TOX: variants seen among roughly 807,000 people sequenced by gnomAD.
TOX encodes the protein thymocyte selection associated high mobility group box, also known as thymocyte selection-associated high mobility group box protein TOX.
Under a neutral mutation model 53.7 loss-of-function variants are expected in TOX, and 11 were observed. The ratio of observed to expected loss-of-function variants is 0.20; its 90% CI spans 0.13 to 0.34. The LOEUF is 0.34. TOX is among the 10% of genes least tolerant of loss of function. The pLI, the probability that TOX is intolerant of heterozygous loss-of-function variation, is 1.00. For missense variants in TOX, 570 were observed against 664.6 expected (o/e 0.86, Z 1.56); for synonymous variants, 225 against 245.3 (o/e 0.92, Z 0.77).
chr8:58,856,095 A>G (rs1207734334), intron 3 of TOX, among the ~76,000 whole-genome samples: 1 of 152,172 alleles, frequency 6.6e-6, no homozygotes, highest in Admixed American at 6.6e-5. Context: ...GTAAAAATGA[A>G]ATATACTTTT....
At chr8:59,049,180 A>C (rs1803743830) in intron 1 of TOX, among the ~76,000 whole-genome samples, 1 of 151,790 alleles carries the variant, frequency 6.6e-6, no homozygotes, top group Non-Finnish European at 1.5e-5. Flanking sequence ...TAAATCCATA[A>C]TATAAGTCAG....
chr8:59,097,792 T>C (rs527302232), intron 1 of TOX, among the ~76,000 whole-genome samples: 3 of 152,316 alleles, frequency 2.0e-5, no homozygotes, highest in Non-Finnish European at 2.9e-5. Context: ...TTTATGAACA[T>C]ACAGTTTTAA....
At chr8:58,948,420 T>C (rs1445583734) in intron 2 of TOX, among the ~76,000 whole-genome samples, 1 of 152,164 alleles carries the variant, frequency 6.6e-6, no homozygotes, top group Non-Finnish European at 1.5e-5. Context: ...CTCCAAGCAG[T>C]ATTTTTAGGG....
At chr8:58,940,030 TGTC>T (rs1450370173) in intron 2 of TOX, among the ~76,000 whole-genome samples, 5 of 152,168 alleles carry the variant, frequency 3.3e-5, no homozygotes, top group Non-Finnish European at 7.3e-5. Context: ...CAAAAGAAAA[TGTC>T]GTAGAAAAGA....
intron 3 of TOX, among the ~76,000 whole-genome samples, chr8:58,866,539 C>G (rs1811105295): frequency 6.6e-6 from 1 of 152,188 alleles, no homozygotes; most frequent in African/African-American, 2.4e-5. Flanking sequence ...TTTTCTTAAC[C>G]AATGCCCCCA....
At position 58,910,885 on chromosome 8, in the gene TOX, G is replaced by A. The variant is rs1426082826; in HGVS notation, c.411+28417C>T. Among the ~76,000 whole-genome samples the A allele has an allele frequency of 2.0e-5, 3 of 152,146 alleles. No individual in the cohort carries two copies. The East Asian group carries it at 5.8e-4, about 29-fold the overall frequency. ...GGAGATTCAAAGAATAGTTGCAAAG[G>A]AGTATGGTCAAATGAGGCTAGAGAT... On this transcript the variant is annotated intron_variant, in intron 3 of 8. Transcript: ENST00000361421.
chr8:58,867,100 G>A (rs1203623581), intron 3 of TOX, among the ~76,000 whole-genome samples: 1 of 152,082 alleles, frequency 6.6e-6, no homozygotes, highest in South Asian at 2.1e-4. Flanking sequence ...TCATTCTTCT[G>A]CATCTACATT....
intron 2 of TOX, among the ~76,000 whole-genome samples, chr8:58,940,467 A>G (rs1428817213): frequency 1.3e-5 from 2 of 152,170 alleles, no homozygotes; most frequent in African/African-American, 4.8e-5. Context: ...AAATACATGG[A>G]AGAAATAAAA....
intron 1 of TOX, among the ~76,000 whole-genome samples, chr8:59,035,008 C>T (rs1352402330): frequency 1.3e-5 from 2 of 152,142 alleles, no homozygotes; most frequent in East Asian, 1.9e-4. Flanking sequence ...AGGAGACGCT[C>T]TGGAGGTGCT....
chr8:58,877,253 G>A (rs528255543), intron 3 of TOX, among the ~76,000 whole-genome samples: 108 of 151,972 alleles, frequency 7.1e-4, no homozygotes, highest in South Asian at 1.7e-3. Flanking sequence ...GCAGCATTAC[G>A]TATGATTTTT....
intron 7 of TOX, among the ~76,000 whole-genome samples, chr8:58,808,629 C>T (rs751800176): frequency 5.5e-4 from 84 of 152,360 alleles, no homozygotes; most frequent in Middle Eastern, 3.4e-3. Context: ...CCTAAGGATA[C>T]ATTAATAGTT....
At chr8:59,108,378 TATG>T in intron 1 of TOX, among the ~76,000 whole-genome samples, 1 of 152,196 alleles carries the variant, frequency 6.6e-6, no homozygotes, top group Admixed American at 6.5e-5. Flanking sequence ...GCTGTAAGGG[TATG>T]ATGTGCAAAG....
chr8:58,841,586 C>T (rs1176293053), intron 4 of TOX, among the ~76,000 whole-genome samples: 1 of 152,106 alleles, frequency 6.6e-6, no homozygotes, highest in Admixed American at 6.6e-5. Flanking sequence ...GGGGATCTAA[C>T]ATACAGCACA....
chr8:58,957,691 C>T (rs185276548), intron 2 of TOX, among the ~76,000 whole-genome samples: 1 of 152,300 alleles, frequency 6.6e-6, no homozygotes, highest in East Asian at 1.9e-4. Context: ...AGTCCCAAAG[C>T]ATGTACTGAT....
At chr8:58,847,595 T>G (rs772718381) in intron 4 of TOX, among the ~76,000 whole-genome samples, 3 of 152,018 alleles carry the variant, frequency 2.0e-5, no homozygotes, top group Non-Finnish European at 2.9e-5. Context: ...GGAGCAAGAA[T>G]GGGATAGAGG....
chr8:58,871,333 A>G (rs73686723), intron 3 of TOX, among the ~76,000 whole-genome samples: 2,278 of 152,252 alleles, frequency 0.015, 54 homozygotes, highest in African/African-American at 0.051. Flanking sequence ...AATAGTGCAT[A>G]TAGGAAAGTA....
intron 3 of TOX, among the ~76,000 whole-genome samples, chr8:58,905,221 G>A (rs34130829): frequency 0.099 from 15,007 of 152,158 alleles, 898 homozygotes; most frequent in South Asian, 0.19. Context: ...GTGAGCCACC[G>A]TGCCTGGCCC....
chr8:59,050,981 T>C (rs1375969020), intron 1 of TOX, among the ~76,000 whole-genome samples: 1 of 152,110 alleles, frequency 6.6e-6, no homozygotes, highest in Admixed American at 6.5e-5. Context: ...TGCTAGAAAC[T>C]GGTCATATGA....
chr8:59,105,491 T>G (rs1403479659), intron 1 of TOX, among the ~76,000 whole-genome samples: 1 of 152,166 alleles, frequency 6.6e-6, no homozygotes, highest in Non-Finnish European at 1.5e-5. Flanking sequence ...TAGATTTTTC[T>G]TCTTTAGCAT....
Sources: allele counts gnomAD v4.1 joint callset (sites outside exome capture counted in the v4.1 genomes callset), GRCh38; gene constraint gnomAD v4.1.1; transcripts MANE v1.5; gene names NCBI Gene and HGNC (gene_info 2026-07-23, HGNC 2026-07-21).